The following EBF1 variants were observed in gnomAD, a reference collection of about 807,000 sequenced individuals.
The protein encoded by EBF1 is transcription factor COE1.
Under a neutral mutation model 68.4 loss-of-function variants are expected in EBF1, and 10 were observed. The ratio of observed to expected loss-of-function variants is 0.15; its 90% CI spans 0.09 to 0.25. EBF1 has a LOEUF of 0.25. Among genes scored for constraint, EBF1 ranks in the 10% least tolerant of loss-of-function variants. The pLI is 1.00. For missense variants in EBF1, 509 were observed against 794.4 expected (o/e 0.64, Z 4.32); for synonymous variants, 298 against 299.8 (o/e 0.99, Z 0.06).
intron 11 of EBF1, among the ~76,000 whole-genome samples, chr5:158,730,185 G>A (rs937612800): frequency 1.2e-4 from 19 of 152,308 alleles, no homozygotes; most frequent in African/African-American, 3.6e-4. Flanking sequence ...GCTTTTTGCC[G>A]TCAGTAAACA....
At chr5:159,054,863 C>T (rs1307966306) in intron 6 of EBF1, among the ~76,000 whole-genome samples, 2 of 152,218 alleles carry the variant, frequency 1.3e-5, no homozygotes, top group African/African-American at 4.8e-5. Flanking sequence ...CTCACAGAGA[C>T]AAATGTGTTG....
At chr5:159,035,981 G>A (rs969840718) in intron 6 of EBF1, among the ~76,000 whole-genome samples, 1 of 152,302 alleles carries the variant, frequency 6.6e-6, no homozygotes, top group African/African-American at 2.4e-5. Context: ...ACCCCCAGTG[G>A]TGGGGGACAT....
intron 6 of EBF1, among the ~76,000 whole-genome samples, chr5:159,066,793 C>T (rs550444001): frequency 1.3e-5 from 2 of 152,136 alleles, no homozygotes; most frequent in Non-Finnish European, 2.9e-5. Flanking sequence ...TCTTCCTCTA[C>T]CCACACCTTT....
chr5:159,061,681 C>A (rs776216825), intron 6 of EBF1, among the ~76,000 whole-genome samples: 2 of 151,964 alleles, frequency 1.3e-5, no homozygotes, highest in Non-Finnish European at 2.9e-5. Context: ...CGAAACATGG[C>A]TCAAGAAGCT....
chr5:158,755,321 C>T (rs562606383), intron 10 of EBF1, among the ~76,000 whole-genome samples: 43 of 152,186 alleles, frequency 2.8e-4, no homozygotes, highest in Non-Finnish European at 4.1e-4. Context: ...TTCTCTAGTT[C>T]CCTGGACTCC....
At chr5:158,836,314 C>A (rs911372093) in intron 7 of EBF1, among the ~76,000 whole-genome samples, 2 of 151,924 alleles carry the variant, frequency 1.3e-5, no homozygotes, top group Admixed American at 1.3e-4. Context: ...CTGGAGAGAG[C>A]CTATAAAATG....
intron 6 of EBF1, among the ~76,000 whole-genome samples, chr5:158,901,351 T>C (rs376885637): frequency 6.6e-6 from 1 of 152,248 alleles, no homozygotes; most frequent in Non-Finnish European, 1.5e-5. Flanking sequence ...TTTCCTATTA[T>C]TTGTCTGCCT....
intron 7 of EBF1, among the ~76,000 whole-genome samples, chr5:158,828,345 T>A (rs1786678793): frequency 6.6e-6 from 1 of 152,166 alleles, no homozygotes; most frequent in Non-Finnish European, 1.5e-5. Context: ...TGACTGTATT[T>A]TCAGATAGGG....
chr5:159,099,176 G>A (rs1783180417), intron 1 of EBF1, among the ~76,000 whole-genome samples, 169 bp downstream of exon 1: 1 of 152,162 alleles, frequency 6.6e-6, no homozygotes, highest in Admixed American at 6.5e-5. Flanking sequence ...GGCGACGAAG[G>A]CAGAGCGGCT....
chr5:159,005,792 T>C (rs1265322071), intron 6 of EBF1, among the ~76,000 whole-genome samples: 1 of 152,214 alleles, frequency 6.6e-6, no homozygotes, highest in Non-Finnish European at 1.5e-5. Context: ...AAACTGCCTA[T>C]GACTTAATAA....
At chr5:158,912,959 C>G (rs1055496392) in intron 6 of EBF1, among the ~76,000 whole-genome samples, 5 of 152,184 alleles carry the variant, frequency 3.3e-5, no homozygotes, top group African/African-American at 1.2e-4. Context: ...TATCCAGGAC[C>G]ACCTTCTATT....
chr5:158,825,924 T>TA lies in EBF1; in HGVS notation c.637-2608dup, dbSNP rs758355276. Among the ~76,000 whole-genome samples, 515 of 141,244 alleles carry TA rather than the reference T, an allele frequency of 3.6e-3. 3 individuals are homozygous for TA. Among genetic ancestry groups the TA allele is most frequent in the African/African-American group, 3.7e-3 (142 of 38,650 alleles). The allele number at this position is 141,244 out of a possible 152,430, so 92.7% of individuals were successfully genotyped here. A position where few individuals can be genotyped will look rare whatever the true frequency, so the allele number is the denominator to read the frequency against. ...TTAATCCACAGAGCGACTTGTAAAT[T>TA]AAAAAAAAAAAAACACTGTGAGATG... On this transcript the variant is annotated intron_variant, in intron 7 of 15. Coordinates refer to ENST00000313708, the MANE Select transcript of EBF1 (RefSeq NM_024007.5).
intron 6 of EBF1, among the ~76,000 whole-genome samples, chr5:158,984,015 G>A (rs756148526): frequency 6.6e-6 from 1 of 151,196 alleles, no homozygotes; most frequent in Non-Finnish European, 1.5e-5. Context: ...TAAAATGCTG[G>A]TTACTGTTAT....
chr5:158,787,812 C>T (rs1055850802), intron 9 of EBF1, among the ~76,000 whole-genome samples: 29 of 152,162 alleles, frequency 1.9e-4, no homozygotes, highest in Non-Finnish European at 4.4e-5. Flanking sequence ...TCAGTCAACA[C>T]GTGTTACTTC....
chr5:158,753,215 T>A (rs3843489), intron 10 of EBF1, among the ~76,000 whole-genome samples: 138,356 of 152,112 alleles, frequency 0.91, 63,119 homozygotes, highest in African/African-American at 0.98. Context: ...AAGGAAAGGA[T>A]ACCGGAGTAG....
chr5:158,978,793 CACAT>C (rs67096482), intron 6 of EBF1, among the ~76,000 whole-genome samples: 28 of 98,338 alleles, frequency 2.8e-4, no homozygotes, highest in Middle Eastern at 5.4e-3. Flanking sequence ...CACACACACA[CACAT>C]ACACACACAC....
intron 6 of EBF1, among the ~76,000 whole-genome samples, chr5:158,879,420 C>G (rs910127830): frequency 2.0e-5 from 3 of 151,968 alleles, no homozygotes; most frequent in Non-Finnish European, 2.9e-5. Context: ...GGTGTTTCTA[C>G]CTGAAAGATA....
At chr5:158,796,621 A>G (rs1779656166) in intron 8 of EBF1, 146 bp from the exon 9 acceptor site, 1 of 982,190 alleles carries the variant, frequency 1.0e-6, no homozygotes, top group South Asian at 2.7e-5. Flanking sequence ...TCCCAGCCAC[A>G]TTAGGACCTG....
At chr5:158,832,004 T>G (rs1787694131) in intron 7 of EBF1, among the ~76,000 whole-genome samples, 1 of 152,192 alleles carries the variant, frequency 6.6e-6, no homozygotes, top group Non-Finnish European at 1.5e-5. Context: ...TATACATGTA[T>G]AACACTTAGT....
Sources: allele counts gnomAD v4.1 joint callset (sites outside exome capture counted in the v4.1 genomes callset), GRCh38; gene constraint gnomAD v4.1.1; transcripts MANE v1.5; gene names NCBI Gene and HGNC (gene_info 2026-07-23, HGNC 2026-07-21).